CFC1: variants seen among roughly 807,000 people sequenced by gnomAD.
The protein encoded by CFC1 is cryptic protein.
For missense variants in CFC1, 14 were observed against 120.0 expected (o/e 0.12, Z 4.13); for synonymous variants, 8 against 50.7 (o/e 0.16, Z 3.58).
intron 5 of CFC1, among the ~76,000 whole-genome samples, chr2:130,595,409 G>A (rs1275244789): frequency 6.7e-6 from 1 of 149,802 alleles, no homozygotes; most frequent in Non-Finnish European, 1.5e-5. Context: ...ACTGTACCCA[G>A]TCATATTGAT....
chr2:130,594,329 T>G (rs1323884679), intron 5 of CFC1, among the ~76,000 whole-genome samples: 1 of 146,482 alleles, frequency 6.8e-6, no homozygotes. Context: ...GAGAAGCTGG[T>G]GCTAAGACAG....
At chr2:130,594,339 G>T (rs1215173112) in intron 5 of CFC1, among the ~76,000 whole-genome samples, 7 of 146,538 alleles carry the variant, frequency 4.8e-5, no homozygotes, top group Non-Finnish European at 8.9e-5. Flanking sequence ...TGCTAAGACA[G>T]GCGCTCACAG....
intron 5 of CFC1, among the ~76,000 whole-genome samples, chr2:130,595,415 T>C (rs1213323193): frequency 2.0e-5 from 3 of 149,300 alleles, no homozygotes; most frequent in East Asian, 1.9e-4. Flanking sequence ...CCCAGTCATA[T>C]TGATAATTAC....
At chr2:130,595,123 TC>T in intron 5 of CFC1, among the ~76,000 whole-genome samples, 1 of 146,996 alleles carries the variant, frequency 6.8e-6, no homozygotes, top group African/African-American at 2.7e-5. Context: ...ATTTATTCTT[TC>T]TTTTCTTTTT....
In CFC1 at chr2:130,593,022, GGC is replaced by G. The variant is rs1457019367; in HGVS notation, c.525_526del (p.Pro176GlnfsTer59). 5.4e-5 allele frequency: 30 copies of G among 550,492 alleles called. No homozygotes were observed. In the African/African-American group the frequency reaches 6.6e-4, roughly 12 times the overall value. 34.1% of individuals were successfully genotyped at this position (550,492 alleles called of 1,614,324 possible). On this transcript the variant is annotated frameshift_variant, in exon 6 of 6. Coordinates refer to ENST00000259216, the MANE Select transcript of CFC1 (RefSeq NM_032545.4). LOFTEE classifies it low-confidence loss of function (END_TRUNC). ...GCAGGGCAGCAAGAGTAGCAGGCTG[GGC>G]GCGCCCCCGGCGCTCGGCCCGTGAG...
At chr2:130,593,268 G>A (rs1393981267) in intron 5 of CFC1, among the ~76,000 whole-genome samples, 192 bp from the exon 6 acceptor site, 1 of 152,206 alleles carries the variant, frequency 6.6e-6, no homozygotes, top group African/African-American at 2.4e-5. Context: ...ACAGAGGGAA[G>A]CCTCTAAATG....
At position 130,598,761 on chromosome 2, in the gene CFC1, G is replaced by A. The variant is rs766002634; in HGVS notation, c.128C>T (p.Thr43Ile). Residue 43 changes from threonine to isoleucine, a missense_variant, in exon 3 of 6, where the codon ACT (threonine) becomes ATT (isoleucine). Physicochemically the swap from Thr to Ile is moderately conservative, Grantham distance 89. Transcript: ENST00000259216. ...GGREEVTKVA[T>I]QKHRQSPLNW... The stretch of plus-strand genomic sequence containing the variant: ...GAGCGGTGACTGTCGGTGCTTCTGA[G>A]TGGCAACCTTGGTGACTTCCTCTCT... 2 of 1,612,952 alleles carry A rather than the reference G, an allele frequency of 1.2e-6. No homozygotes were observed. Among genetic ancestry groups the A allele is most frequent in the South Asian group, 1.1e-5 (1 of 91,072 alleles).
chr2:130,598,525 A>G (rs1025696709), intron 3 of CFC1, 117 bp downstream of exon 3: 1 of 1,484,630 alleles, frequency 6.7e-7, no homozygotes, highest in African/African-American at 1.4e-5. Context: ...TTTGAAGATA[A>G]CAAAATGCTC....
At chr2:130,596,457 C>G (rs1479823878) in intron 5 of CFC1, among the ~76,000 whole-genome samples, 2 of 149,196 alleles carry the variant, frequency 1.3e-5, no homozygotes, top group Non-Finnish European at 3.0e-5. Context: ...GGCAGAGGCC[C>G]AGCAAAAGGA....
chr2:130,594,017 T>C (rs1312790641), intron 5 of CFC1, among the ~76,000 whole-genome samples: 2 of 142,782 alleles, frequency 1.4e-5, no homozygotes, highest in Admixed American at 6.8e-5. Context: ...GCCACCTCCC[T>C]GCCCCCTGAC....
rs1684828855 is a variant in CFC1, at chr2:130,592,272, T to C, written c.*605A>G. On this transcript the variant is annotated 3_prime_UTR_variant, in exon 6 of 6. Transcript: ENST00000259216. ...AAGATTGAAAATGCCAATAAACTAA[T>C]TGACAATATAAAATGTAAAAGTAAT... The C allele has an allele frequency of 6.3e-6, 1 of 159,348 alleles. No individual in the cohort carries two copies. The highest frequency in any genetic ancestry group is 1.4e-5 in the Non-Finnish European group (1 of 73,620). The allele number at this position is 159,348 out of a possible 1,614,324, so 9.9% of individuals were successfully genotyped here.
At chr2:130,596,661 G>A (rs1454931296) in intron 5 of CFC1, among the ~76,000 whole-genome samples, 3 of 145,394 alleles carry the variant, frequency 2.1e-5, no homozygotes, top group Non-Finnish European at 4.4e-5. Flanking sequence ...AGGACAGGAA[G>A]GTGAAGGAGA....
chr2:130,598,470 A>T (rs1379570696), intron 3 of CFC1, among the ~76,000 whole-genome samples, 172 bp downstream of exon 3: 1 of 151,166 alleles, frequency 6.6e-6, no homozygotes, highest in Non-Finnish European at 1.5e-5. Flanking sequence ...TTAACACCTC[A>T]CTAGGAACTG....
At chr2:130,595,620 C>G (rs1684945447) in intron 5 of CFC1, among the ~76,000 whole-genome samples, 1 of 145,774 alleles carries the variant, frequency 6.9e-6, no homozygotes, top group Non-Finnish European at 1.5e-5. Flanking sequence ...TGCCTGTAGT[C>G]CCAGCTACTC....
intron 5 of CFC1, among the ~76,000 whole-genome samples, chr2:130,593,805 AGTG>A (rs1215832321): frequency 3.0e-5 from 4 of 132,352 alleles, no homozygotes; most frequent in Non-Finnish European, 6.3e-5. Context: ...GAATCTCTGG[AGTG>A]GTGGGGCTGG....
Position 130,593,052 on chromosome 2 carries a change from TG to T in CFC1, c.496del (p.His166ThrfsTer65), listed in dbSNP as rs1684861540. ...GCCCCCGGCGCTCGGCCCGTGAGCG[TG>T]GGAGGCCAGGAAGTCTTTCGGGTCT... Reference protein sequence around the residue: ...RCDPKDFLASHAHGPSAGGAP... With the variant: ...RCDPKDFLASXAHGPSAGGAP... On this transcript the variant is annotated frameshift_variant, in exon 6 of 6. Transcript: ENST00000259216. LOFTEE classifies it low-confidence loss of function (END_TRUNC). The T allele has an allele frequency of 1.8e-6, 1 of 546,736 alleles. No individual in the cohort carries two copies. The highest frequency in any genetic ancestry group is 2.4e-5 in the African/African-American group (1 of 41,690). 33.9% of individuals were successfully genotyped at this position (546,736 alleles called of 1,614,324 possible). A position where few individuals can be genotyped will look rare whatever the true frequency, so the allele number is the denominator to read the frequency against.
At position 130,598,749 on chromosome 2, in the gene CFC1, C is replaced by G; in HGVS notation, c.140G>C (p.Arg47Pro). 2 of 1,608,274 alleles carry G rather than the reference C, an allele frequency of 1.2e-6. No individual in the cohort carries two copies. Among genetic ancestry groups the G allele is most frequent in the Middle Eastern group, 1.7e-4 (1 of 6,054 alleles). The change falls in exon 3 of 6, where the codon CGA (arginine) becomes CCA (proline). Residue 47 changes from arginine (R) to proline (P), a missense_variant. Physicochemically the swap from Arg to Pro is moderately radical, Grantham distance 103. Coordinates refer to ENST00000259216, the MANE Select transcript of CFC1 (RefSeq NM_032545.4). ...GGAGGTCCAGTTGAGCGGTGACTGT[C>G]GGTGCTTCTGAGTGGCAACCTTGGT... is the stretch of plus-strand genomic sequence containing the variant. Reference protein sequence around the residue: ...EVTKVATQKHRQSPLNWTSSH... With the variant: ...EVTKVATQKHPQSPLNWTSSH...
rs1208765352 is a variant in CFC1, at chr2:130,592,588, TC to T, written c.*288del. The T allele has an allele frequency of 2.5e-5, 4 of 157,638 alleles. No individual in the cohort carries two copies. Among genetic ancestry groups the T allele is most frequent in the African/African-American group, 1.1e-4 (4 of 35,232 alleles). 9.8% of individuals were successfully genotyped at this position (157,638 alleles called of 1,614,324 possible). A position where few individuals can be genotyped will look rare whatever the true frequency, so the allele number is the denominator to read the frequency against. On this transcript the variant is annotated 3_prime_UTR_variant, in exon 6 of 6. Coordinates refer to ENST00000259216, the MANE Select transcript of CFC1 (RefSeq NM_032545.4). ...CTGCCTGCGTTGCCTTGCGGTGGGT[TC>T]CACAGCAGACGCTTCCCCCTTAAGG... is the stretch of plus-strand genomic sequence containing the variant.
intron 3 of CFC1, 126 bp from the exon 4 acceptor site, chr2:130,598,108 C>G (rs1373116998): frequency 1.4e-5 from 1 of 72,962 alleles, no homozygotes; most frequent in Admixed American, 1.4e-4. Context: ...TGTGTTTGCT[C>G]AGGTAAACCC....
Sources: allele counts gnomAD v4.1 joint callset (sites outside exome capture counted in the v4.1 genomes callset), GRCh38; gene constraint gnomAD v4.1.1; transcripts MANE v1.5; gene names NCBI Gene and HGNC (gene_info 2026-07-23, HGNC 2026-07-21).